The following MYT1L variants were observed in gnomAD, a reference collection of about 807,000 sequenced individuals.
The protein encoded by MYT1L is myelin transcription factor 1 like, also known as myelin transcription factor 1-like protein.
In MYT1L, 12 loss-of-function variants were observed where a neutral mutation model predicts 126.7. That is an observed-to-expected ratio of 0.09 (90% CI 0.06 to 0.15). MYT1L has a LOEUF of 0.15. MYT1L is among the 10% of genes least tolerant of loss of function. The pLI is 1.00. For missense variants in MYT1L, 979 were observed against 1,585.2 expected, an observed-to-expected ratio of 0.62 and a Z score of 6.49; for synonymous variants, 541 against 604.2, an observed-to-expected ratio of 0.90 and a Z score of 1.53.
intron 18 of MYT1L, among the ~76,000 whole-genome samples, chr2:1,881,353 T>TGTGTG (rs1344449685): frequency 1.4e-4 from 18 of 132,778 alleles, no homozygotes; most frequent in African/African-American, 4.9e-4. Flanking sequence ...GGTTTGCAGG[T>TGTGTG]TCGTGTGTGT....
intron 14 of MYT1L, 102 bp from the exon 15 acceptor site, chr2:1,892,389 C>T (rs2049005787): frequency 8.3e-6 from 12 of 1,448,764 alleles, no homozygotes; most frequent in South Asian, 2.9e-5. Flanking sequence ...CACACACAGC[C>T]GCGTGGGACG....
In MYT1L at chr2:2,122,302, C is replaced by G. The variant is rs1017475415; in HGVS notation, c.-304+50570G>C. Among the ~76,000 whole-genome samples, 3 of 152,298 alleles carry G rather than the reference C, an allele frequency of 2.0e-5. No individual in the cohort carries two copies. In the East Asian group the frequency reaches 5.8e-4, roughly 29 times the overall value. The stretch of plus-strand genomic sequence containing the variant: ...GGTTTACTCATCTGTCATGGGAACA[C>G]TGCAGCCCCTCTCTCCTGGGGACTC... On this transcript the variant is annotated intron_variant, in intron 3 of 24. Transcript: ENST00000647738.
intron 2 of MYT1L, among the ~76,000 whole-genome samples, chr2:2,265,116 C>T (rs1010052030): frequency 3.3e-5 from 5 of 151,628 alleles, no homozygotes; most frequent in Non-Finnish European, 7.4e-5. Flanking sequence ...CAACATTTGC[C>T]TCCTGGGTTC....
intron 10 of MYT1L, among the ~76,000 whole-genome samples, chr2:1,919,933 T>C (rs1210099612): frequency 6.6e-6 from 1 of 151,436 alleles, no homozygotes; most frequent in Non-Finnish European, 1.5e-5. Context: ...TTAGCCAGGA[T>C]GGTCTCGATC....
chr2:1,847,074 G>C (rs1003323131), intron 19 of MYT1L, among the ~76,000 whole-genome samples: 1 of 152,174 alleles, frequency 6.6e-6, no homozygotes, highest in Non-Finnish European at 1.5e-5. Flanking sequence ...CTGTCTGGCC[G>C]TTTGACTGCC....
At chr2:2,001,080 C>T (rs769655357) in intron 4 of MYT1L, among the ~76,000 whole-genome samples, 12 of 152,058 alleles carry the variant, frequency 7.9e-5, no homozygotes, top group Middle Eastern at 3.2e-3. Context: ...GCTTGACATT[C>T]GTGCCCCCAT....
At chr2:1,849,997 T>C (rs899820753) in intron 19 of MYT1L, among the ~76,000 whole-genome samples, 2 of 144,160 alleles carry the variant, frequency 1.4e-5, no homozygotes, top group Admixed American at 1.4e-4. Flanking sequence ...TCAGCTACTC[T>C]GTACAGACAA....
chr2:2,127,966 T>C (rs902738278), intron 3 of MYT1L, among the ~76,000 whole-genome samples: 3 of 152,222 alleles, frequency 2.0e-5, no homozygotes, highest in African/African-American at 7.2e-5. Flanking sequence ...GTATTAATAA[T>C]GCTACCTAAC....
chr2:2,189,415 T>C (rs1186239206), intron 2 of MYT1L, among the ~76,000 whole-genome samples: 1 of 152,226 alleles, frequency 6.6e-6, no homozygotes, highest in Non-Finnish European at 1.5e-5. Flanking sequence ...TTATGCAATA[T>C]GTTAAGTGCA....
At chr2:2,039,966 G>A (rs528274645) in intron 4 of MYT1L, among the ~76,000 whole-genome samples, 23 of 152,272 alleles carry the variant, frequency 1.5e-4, no homozygotes, top group African/African-American at 5.1e-4. Context: ...GGGACAACAC[G>A]TGATAGAGTC....
intron 18 of MYT1L, among the ~76,000 whole-genome samples, chr2:1,862,095 G>A (rs1326773777): frequency 1.3e-5 from 2 of 152,150 alleles, no homozygotes; most frequent in Non-Finnish European, 2.9e-5. Context: ...TTATAAGTAT[G>A]ATTTTAAAAC....
At chr2:1,905,333 C>A (rs2050902154) in intron 13 of MYT1L, among the ~76,000 whole-genome samples, 4 of 151,800 alleles carry the variant, frequency 2.6e-5, no homozygotes, top group Admixed American at 2.6e-4. Flanking sequence ...GTGTTAGGTT[C>A]ATAGTCAGCT....
chr2:2,161,064 T>A (rs1351517649), intron 3 of MYT1L, among the ~76,000 whole-genome samples: 1 of 151,768 alleles, frequency 6.6e-6, no homozygotes. Context: ...TAAAAAAAAA[T>A]ACAAAAACTA....
intron 18 of MYT1L, chr2:1,883,915 GT>G (rs1159964635): frequency 6.6e-6 from 1 of 152,186 alleles, no homozygotes; most frequent in Non-Finnish European, 1.5e-5. Context: ...TCCAGTTTCA[GT>G]TTACATATTA....
chr2:1,940,711 G>C (rs2056547890), intron 9 of MYT1L, among the ~76,000 whole-genome samples: 1 of 152,214 alleles, frequency 6.6e-6, no homozygotes, highest in African/African-American at 2.4e-5. Flanking sequence ...TTTCCTTAGG[G>C]AGCCAGCTGC....
At chr2:2,234,141 T>G (rs1038797071) in intron 2 of MYT1L, among the ~76,000 whole-genome samples, 7 of 152,252 alleles carry the variant, frequency 4.6e-5, no homozygotes, top group African/African-American at 7.2e-5. Context: ...GTCTCTTTAA[T>G]GTACACTCAT....
intron 2 of MYT1L, among the ~76,000 whole-genome samples, chr2:2,220,177 G>A (rs1382160858): frequency 3.3e-5 from 5 of 152,212 alleles, no homozygotes; most frequent in Non-Finnish European, 7.3e-5. Context: ...ACGTGACACA[G>A]CCCTCAGAGG....
intron 9 of MYT1L, among the ~76,000 whole-genome samples, chr2:1,926,596 T>A (rs1429736085): frequency 6.6e-6 from 1 of 152,246 alleles, no homozygotes; most frequent in East Asian, 1.9e-4. Flanking sequence ...GGAGTCTCAC[T>A]CTGTCATGCA....
At chr2:1,802,183 C>A (rs972505711) in intron 22 of MYT1L, among the ~76,000 whole-genome samples, 3 of 152,172 alleles carry the variant, frequency 2.0e-5, no homozygotes, top group African/African-American at 7.2e-5. Context: ...GACTCGCTGT[C>A]TGCATCAGTC....
Sources: gnomAD v4.1 joint callset for allele counts (sites outside exome capture counted in the v4.1 genomes callset) on GRCh38, gnomAD v4.1.1 for gene constraint, MANE v1.5 for transcripts, NCBI Gene and HGNC (gene_info 2026-07-23, HGNC 2026-07-21) for gene names.